SIK3: variants seen among roughly 807,000 people sequenced by gnomAD.
The protein encoded by SIK3 is SIK family kinase 3.
SIK3 carries 28 observed loss-of-function variants against 144.2 expected under a neutral mutation model. The observed-to-expected ratio is 0.19, with a 90% CI of 0.14 to 0.27. SIK3 has a LOEUF of 0.27. Ranked by LOEUF, SIK3 falls within the 10% of genes least tolerant of loss-of-function variation. The pLI is 1.00. For missense variants in SIK3, 1,319 were observed against 1,776.0 expected (o/e 0.74, Z 4.62); for synonymous variants, 686 against 676.3 (o/e 1.01, Z -0.22).
intron 4 of SIK3, among the ~76,000 whole-genome samples, chr11:116,917,561 C>T (rs977592501): frequency 3.3e-5 from 5 of 151,716 alleles, no homozygotes; most frequent in South Asian, 2.1e-4. Flanking sequence ...TTTAAAAATT[C>T]GCCAGGCATG....
chr11:116,867,788 G>A lies in SIK3; in HGVS notation c.1952+158C>T, dbSNP rs1042924989. 12 of 684,902 alleles carry A rather than the reference G, an allele frequency of 1.8e-5. No homozygotes were observed. The Admixed American group carries it at 4.1e-4, about 23-fold the overall frequency. The allele number at this position is 684,902 out of a possible 1,614,324, so 42.4% of individuals were successfully genotyped here. A position where few individuals can be genotyped will look rare whatever the true frequency, so the allele number is the denominator to read the frequency against. On this transcript the variant is annotated intron_variant, in intron 15 of 24. Coordinates refer to ENST00000445177, the MANE Select transcript of SIK3 (RefSeq NM_001366686.3). This position sits in a 1 kb window ranked among gnomAD's most constrained non-coding sequence, Gnocchi z 4.1. ...GCGCAGTAAAAAACCTTTGCCCTGTGCATTGCTTACTGCAAGGAGCTGAGA... is the reference window on the plus strand; with the variant it reads ...GCGCAGTAAAAAACCTTTGCCCTGTACATTGCTTACTGCAAGGAGCTGAGA...
Position 116,846,339 on chromosome 11 carries a change from C to G in SIK3, c.*13+44G>C. The G allele has an allele frequency of 6.3e-7, 1 of 1,591,528 alleles. No homozygotes were observed. Among genetic ancestry groups the G allele is most frequent in the East Asian group, 2.2e-5 (1 of 44,734 alleles). On this transcript the variant is annotated intron_variant, in intron 24 of 24. Coordinates refer to ENST00000445177, the MANE Select transcript of SIK3 (RefSeq NM_001366686.3). This position sits in a 1 kb window ranked among gnomAD's most constrained non-coding sequence, Gnocchi z 4.1. ...CTCCTGATGGGATTGGGAGCAGGCA[C>G]TGGGCCACAGGGCTGGTTTGGCTCT...
intron 1 of SIK3, among the ~76,000 whole-genome samples, chr11:117,012,453 T>G (rs188113164): frequency 6.6e-6 from 1 of 152,324 alleles, no homozygotes; most frequent in East Asian, 1.9e-4. Flanking sequence ...GTATTTGACC[T>G]TATGTTTGAA....
At chr11:116,959,476 C>CT (rs1376971759) in intron 1 of SIK3, among the ~76,000 whole-genome samples, 2 of 152,186 alleles carry the variant, frequency 1.3e-5, no homozygotes, top group African/African-American at 4.8e-5. Flanking sequence ...CATCAACTGT[C>CT]TAAGGCCTGT....
chr11:116,954,005 G>GGCAAAC, intron 3 of SIK3, 39 bp downstream of exon 3: 1 of 1,547,964 alleles, frequency 6.5e-7, no homozygotes, highest in Non-Finnish European at 8.9e-7. Flanking sequence ...GCCATAGTGT[G>GGCAAAC]CTCAATAGCT....
At chr11:117,072,600 G>A (rs922686331) in intron 1 of SIK3, among the ~76,000 whole-genome samples, 1 of 152,102 alleles carries the variant, frequency 6.6e-6, no homozygotes, top group Non-Finnish European at 1.5e-5. Context: ...ACATATGAAA[G>A]ATTTTGTCCC....
intron 4 of SIK3, 138 bp downstream of exon 4, chr11:116,927,080 TA>T (rs1265897950): frequency 1.7e-6 from 1 of 596,294 alleles, no homozygotes; most frequent in South Asian, 3.1e-5. Flanking sequence ...ATTTTCAGGC[TA>T]TTTTTTTTTT....
chr11:117,060,579 A>G (rs1953748694), intron 1 of SIK3, among the ~76,000 whole-genome samples: 1 of 150,138 alleles, frequency 6.7e-6, no homozygotes, highest in Admixed American at 6.7e-5. Context: ...CCTGGATGAC[A>G]AGAGCAAAAC....
intron 4 of SIK3, among the ~76,000 whole-genome samples, chr11:116,907,569 C>T (rs545106840): frequency 3.1e-4 from 47 of 152,216 alleles, no homozygotes; most frequent in African/African-American, 1.1e-3. Context: ...TTGCTTGAAC[C>T]CAGGAGGCGG....
rs201013489 is a variant in SIK3 at position 116,933,418 on chromosome 11, C to T, written c.455-6038G>A. Among the ~76,000 whole-genome samples the T allele has an allele frequency of 1.6e-4, 24 of 152,294 alleles. No homozygotes were observed. In the East Asian group the frequency reaches 2.3e-3, roughly 15 times the overall value. On this transcript the variant is annotated intron_variant, in intron 3 of 24. Coordinates refer to ENST00000445177, the MANE Select transcript of SIK3 (RefSeq NM_001366686.3). ...CCCCCCAAAGTGCTGGGATTACAGG[C>T]GTGAGCCACTGCACCTGGCCCCATT...
chr11:117,084,615 T>TC (rs1954929051), intron 1 of SIK3, among the ~76,000 whole-genome samples: 1 of 152,182 alleles, frequency 6.6e-6, no homozygotes, highest in Admixed American at 6.5e-5. Flanking sequence ...ACTGTTTTTT[T>TC]CCCAAACCTA....
intron 4 of SIK3, among the ~76,000 whole-genome samples, chr11:116,919,091 A>C (rs1047464732): frequency 2.0e-5 from 3 of 152,222 alleles, no homozygotes; most frequent in Non-Finnish European, 4.4e-5. Context: ...AGAGGGCATT[A>C]GAATCATGAA....
intron 1 of SIK3, among the ~76,000 whole-genome samples, chr11:116,979,927 G>C (rs759766216): frequency 6.6e-6 from 1 of 152,126 alleles, no homozygotes; most frequent in Non-Finnish European, 1.5e-5. Context: ...GGATCCACTA[G>C]ATCAGACAGA....
chr11:116,943,113 T>C (rs1306483131), intron 3 of SIK3, among the ~76,000 whole-genome samples: 1 of 151,588 alleles, frequency 6.6e-6, no homozygotes, highest in African/African-American at 2.4e-5. Context: ...TCAAGCCCCT[T>C]GGAAAATAGT....
chr11:116,957,002 C>A lies in SIK3; in HGVS notation c.336G>T (p.Arg112=), dbSNP rs767768216. 2.5e-6 allele frequency: 4 copies of A among 1,611,080 alleles called. No homozygotes were observed. In the East Asian group the frequency reaches 8.9e-5, roughly 36 times the overall value. ...AAAGCATCTTCATAATTTGAACTTCCCGGAAAATCTTCTTCAAGTTTTCTT... is the reference window on the plus strand; with the variant it reads ...AAAGCATCTTCATAATTTGAACTTCACGGAAAATCTTCTTCAAGTTTTCTT... ...LDEENLKKIF[R]EVQIMKMLCH... The change falls in exon 2 of 25, where the codon CGG becomes CGT. Residue 112 remains arginine (R), a synonymous_variant. Coordinates refer to ENST00000445177, the MANE Select transcript of SIK3 (RefSeq NM_001366686.3).
intron 21 of SIK3, among the ~76,000 whole-genome samples, chr11:116,851,646 A>G (rs1942453242): frequency 1.3e-5 from 2 of 152,240 alleles, no homozygotes; most frequent in Admixed American, 6.5e-5. Context: ...GGTAAAAGGA[A>G]CAGCCAGAAG....
chr11:117,021,948 A>AAAAAAAC (rs1565565729), intron 1 of SIK3, among the ~76,000 whole-genome samples: 37 of 127,942 alleles, frequency 2.9e-4, no homozygotes, highest in African/African-American at 1.2e-3. Flanking sequence ...AAAAAAAAAA[A>AAAAAAAC]AAAAAAAAAA....
Position 117,039,084 on chromosome 11 carries a change from G to A in SIK3, c.273+59059C>T, listed in dbSNP as rs116328583. ...AGAAAAAGAAATATCGCACATTCAC[G>A]GAGCATCTTTAGATCAGAATCACCT... On this transcript the variant is annotated intron_variant, in intron 1 of 24. Transcript: ENST00000445177. Among the ~76,000 whole-genome samples, 1,148 of 151,954 alleles carry A rather than the reference G, an allele frequency of 7.6e-3. 13 individuals are homozygous for A. The highest frequency in any genetic ancestry group is 0.027 in the African/African-American group (1,103 of 41,468).
intron 1 of SIK3, among the ~76,000 whole-genome samples, chr11:117,032,438 C>T (rs1020525902): frequency 5.3e-5 from 8 of 152,132 alleles, no homozygotes; most frequent in Admixed American, 3.3e-4. Context: ...AATGGTATTG[C>T]ATGTATTTCC....
Sources: allele counts gnomAD v4.1 joint callset (sites outside exome capture counted in the v4.1 genomes callset), GRCh38; gene constraint gnomAD v4.1.1; non-coding constraint Gnocchi (gnomAD v3.1); transcripts MANE v1.5; gene names NCBI Gene and HGNC (gene_info 2026-07-23, HGNC 2026-07-21).